Variants in STARD13 observed in about 807,000 individuals in gnomAD.
STARD13 encodes StAR related lipid transfer domain containing 13.
STARD13 carries 62 observed loss-of-function variants against 106.4 expected under a neutral mutation model. The observed-to-expected ratio is 0.58, with a 90% CI of 0.48 to 0.72. The LOEUF is 0.72. STARD13 is among the 30% of genes least tolerant of loss of function. The pLI is 0.00. For missense variants in STARD13, 1,387 were observed against 1,424.0 expected (o/e 0.97, Z 0.42); for synonymous variants, 565 against 553.0 (o/e 1.02, Z -0.31).
At chr13:33,173,198 G>A (rs1237968088) in intron 1 of STARD13, among the ~76,000 whole-genome samples, 2 of 152,172 alleles carry the variant, frequency 1.3e-5, no homozygotes, top group Non-Finnish European at 2.9e-5. Flanking sequence ...TGCTGGCTTA[G>A]GATAATTTAT....
chr13:33,146,695 T>A (rs1880589845), intron 3 of STARD13, among the ~76,000 whole-genome samples: 2 of 152,174 alleles, frequency 1.3e-5, no homozygotes, highest in South Asian at 4.1e-4. Context: ...TCAACAAAAG[T>A]ACTGGCAGAT....
chr13:33,400,163 A>G, the STARD13 span, among the ~76,000 whole-genome samples: 1 of 152,164 alleles, frequency 6.6e-6, no homozygotes, highest in Non-Finnish European at 1.5e-5. Context: ...GGTAACCACC[A>G]TCCTACTCTC....
In STARD13 at chr13:33,129,316, C is replaced by T; in HGVS notation, c.1361G>A (p.Ser454Asn). Residue 454 changes from serine to asparagine, a missense_variant, in exon 5 of 14, where the codon AGC (serine) becomes AAC (asparagine). Coordinates refer to ENST00000336934, the MANE Select transcript of STARD13 (RefSeq NM_178006.4). ...GACATTGTCATAGATACTGACTCGG[C>T]TGGCTCTGTGGCAGGACGCCATGAG... is the stretch of plus-strand genomic sequence containing the variant. ...PRLMASCHRASRVSIYDNVPG... is the reference protein window; with the variant it reads ...PRLMASCHRANRVSIYDNVPG... The T allele has an allele frequency of 6.2e-7, 1 of 1,614,180 alleles. No homozygotes were observed. Among genetic ancestry groups the T allele is most frequent in the Non-Finnish European group, 8.5e-7 (1 of 1,180,030 alleles).
intron 1 of STARD13, among the ~76,000 whole-genome samples, chr13:33,340,559 G>A (rs2077948672): frequency 6.6e-6 from 1 of 152,170 alleles, no homozygotes; most frequent in Admixed American, 6.5e-5. Context: ...TTGCATAATT[G>A]TCTCTCTTGT....
the STARD13 span, among the ~76,000 whole-genome samples, chr13:33,583,856 G>T: frequency 6.7e-6 from 1 of 150,188 alleles, no homozygotes; most frequent in South Asian, 2.1e-4. Context: ...GGCCTATAAT[G>T]TTTTTTTTTT....
chr13:33,464,213 A>G, the STARD13 span, among the ~76,000 whole-genome samples: 2 of 151,882 alleles, frequency 1.3e-5, no homozygotes, highest in South Asian at 4.2e-4. Flanking sequence ...ATGTGTTGAT[A>G]TTTATTGAAA....
chr13:33,359,154 C>T, the STARD13 span, among the ~76,000 whole-genome samples: 360 of 151,672 alleles, frequency 2.4e-3, 1 homozygote, highest in African/African-American at 8.1e-3. Flanking sequence ...CGTTGTTTTT[C>T]GCTCTTTGCA....
chr13:33,355,460 A>G (rs922075839), upstream of STARD13: 2 of 152,162 alleles, frequency 1.3e-5, no homozygotes, highest in Middle Eastern at 3.2e-3. Flanking sequence ...TTTGCCAAGA[A>G]CCCATAGTCA....
chr13:33,675,128 A>G, the STARD13 span, among the ~76,000 whole-genome samples: 1 of 152,204 alleles, frequency 6.6e-6, no homozygotes, highest in Non-Finnish European at 1.5e-5. Flanking sequence ...AAGATTAGCA[A>G]GAAACAGAGT....
the STARD13 span, among the ~76,000 whole-genome samples, chr13:33,553,661 C>A: frequency 6.6e-6 from 1 of 150,744 alleles, no homozygotes; most frequent in Non-Finnish European, 1.5e-5. Flanking sequence ...CTCACTGCAA[C>A]CTTCGCCTCC....
At chr13:33,106,350 G>A (rs1873703868) in intron 13 of STARD13, among the ~76,000 whole-genome samples, 1 of 152,234 alleles carries the variant, frequency 6.6e-6, no homozygotes, top group Non-Finnish European at 1.5e-5. Context: ...GAGCCCAGGA[G>A]GTGGAGGTTG....
At chr13:33,497,733 G>A in the STARD13 span, among the ~76,000 whole-genome samples, 311 of 152,258 alleles carry the variant, frequency 2.0e-3, 2 homozygotes, top group African/African-American at 7.1e-3. Context: ...CAAGTGCCAA[G>A]TACTATTGTG....
At chr13:33,330,668 A>G (rs148124823) in intron 1 of STARD13, among the ~76,000 whole-genome samples, 6 of 152,362 alleles carry the variant, frequency 3.9e-5, no homozygotes, top group African/African-American at 1.4e-4. Context: ...AAATAGGTCA[A>G]GAAGTGATAT....
At chr13:33,333,687 TCTTTC>T (rs2077862794) in intron 1 of STARD13, 1 of 152,248 alleles carries the variant, frequency 6.6e-6, no homozygotes, top group Non-Finnish European at 1.5e-5. Context: ...TGTCCTTCAG[TCTTTC>T]CTTTAATCAG....
At chr13:33,307,899 C>T (rs192172970) in intron 1 of STARD13, among the ~76,000 whole-genome samples, 38 of 152,310 alleles carry the variant, frequency 2.5e-4, no homozygotes, top group African/African-American at 8.4e-4. Flanking sequence ...AATCAAATGT[C>T]TTAAACAATT....
the STARD13 span, among the ~76,000 whole-genome samples, chr13:33,551,618 A>ATTTT: frequency 1.7e-5 from 1 of 58,800 alleles, no homozygotes; most frequent in Non-Finnish European, 3.1e-5. Context: ...TTTTTTTTTG[A>ATTTT]GTTGGAGTCT....
the STARD13 span, among the ~76,000 whole-genome samples, chr13:33,565,682 C>T: frequency 1.4e-5 from 2 of 147,774 alleles, 1 homozygote; most frequent in African/African-American, 5.0e-5. Context: ...AGATCACTCA[C>T]CTTGCCCAGG....
intron 2 of STARD13, 131 bp downstream of exon 2, chr13:33,167,420 G>T (rs922534567): frequency 3.6e-6 from 3 of 826,736 alleles, no homozygotes; most frequent in Non-Finnish European, 5.8e-6. Flanking sequence ...TAGCAAAAAG[G>T]CCGAGGGAAA....
chr13:33,339,679 A>G (rs1377022450), intron 1 of STARD13, among the ~76,000 whole-genome samples: 1 of 152,192 alleles, frequency 6.6e-6, no homozygotes, highest in East Asian at 1.9e-4. Context: ...AAAGAATAAA[A>G]CCTTCTATAA....
Sources: gnomAD v4.1 joint callset for allele counts (sites outside exome capture counted in the v4.1 genomes callset) on GRCh38, gnomAD v4.1.1 for gene constraint, MANE v1.5 for transcripts, NCBI Gene and HGNC (gene_info 2026-07-23, HGNC 2026-07-21) for gene names.